Variants in SRGAP1 observed in about 807,000 individuals in gnomAD.
SRGAP1 encodes the protein SLIT-ROBO Rho GTPase activating protein 1, also known as SLIT-ROBO Rho GTPase-activating protein 1.
SRGAP1 carries 43 observed loss-of-function variants against 121.9 expected under a neutral mutation model. That is an observed-to-expected ratio of 0.35 (90% CI 0.28 to 0.46). SRGAP1 has a LOEUF of 0.46. SRGAP1 is among the 20% of genes least tolerant of loss of function. SRGAP1 has a pLI of 1.00. For synonymous variants in SRGAP1, 447 were observed against 485.4 expected (o/e 0.92, Z 1.04); for missense variants, 1,102 against 1,350.9 (o/e 0.82, Z 2.89).
At chr12:63,893,828 A>G (rs534215308) in intron 1 of SRGAP1, among the ~76,000 whole-genome samples, 3 of 152,256 alleles carry the variant, frequency 2.0e-5, no homozygotes, top group South Asian at 2.1e-4. Context: ...TTAAGAAACA[A>G]AAGTCTTCAT....
chr12:64,101,292 ATTGT>A (rs1285049670), intron 15 of SRGAP1, among the ~76,000 whole-genome samples: 1 of 134,766 alleles, frequency 7.4e-6, no homozygotes, highest in Non-Finnish European at 1.6e-5. Context: ...GTATTTTTGG[ATTGT>A]TTGGGGAAAG....
At chr12:63,935,844 GA>G in intron 1 of SRGAP1, among the ~76,000 whole-genome samples, 1 of 152,240 alleles carries the variant, frequency 6.6e-6, no homozygotes, top group African/African-American at 2.4e-5. Context: ...TAACTGTTAT[GA>G]AAAATTGGAA....
At chr12:63,901,681 A>G (rs1041899888) in intron 1 of SRGAP1, among the ~76,000 whole-genome samples, 1 of 152,222 alleles carries the variant, frequency 6.6e-6, no homozygotes, top group Non-Finnish European at 1.5e-5. Context: ...TTAATGGGAC[A>G]AACTGCTACT....
At chr12:63,916,032 CT>C (rs140042368) in intron 1 of SRGAP1, among the ~76,000 whole-genome samples, 12,685 of 124,968 alleles carry the variant, frequency 0.1, 412 homozygotes, top group Middle Eastern at 0.22. Flanking sequence ...CTTTTCTTTT[CT>C]TTTTTTTTTT....
intron 2 of SRGAP1, among the ~76,000 whole-genome samples, chr12:63,986,336 C>A (rs993310937): frequency 3.3e-5 from 5 of 152,144 alleles, no homozygotes; most frequent in African/African-American, 1.2e-4. Context: ...GAAGCAGAGG[C>A]TGGAGCCAGT....
intron 1 of SRGAP1, among the ~76,000 whole-genome samples, chr12:63,893,786 C>T (rs1186276333): frequency 2.6e-5 from 4 of 152,144 alleles, no homozygotes; most frequent in Admixed American, 2.0e-4. Flanking sequence ...ACTCTAATTA[C>T]ATCTGACATT....
Position 64,062,968 on chromosome 12 carries a change from C to G in SRGAP1, c.853C>G (p.Leu285Val), listed in dbSNP as rs1345079612. ...ASLNRALRTY[L>V]SAEYNLETSR... ...TCTGAACAGAGCCCTAAGAACATAT[C>G]TGTCTGCGGAGTACAACCTTGAAAC... Residue 285 changes from leucine (L) to valine (V), a missense_variant, in exon 7 of 22, where the codon CTG (leucine) becomes GTG (valine). Transcript: ENST00000355086. 2.5e-6 allele frequency: 4 copies of G among 1,614,050 alleles called. No individual in the cohort carries two copies. The highest frequency in any genetic ancestry group is 3.4e-6 in the Non-Finnish European group (4 of 1,179,974).
At chr12:63,969,167 C>T (rs2032866275) in intron 1 of SRGAP1, among the ~76,000 whole-genome samples, 2 of 152,132 alleles carry the variant, frequency 1.3e-5, no homozygotes, top group African/African-American at 4.8e-5. Flanking sequence ...GCATTTAAAA[C>T]CTAACCATGA....
At chr12:63,918,663 T>C (rs2030899814) in intron 1 of SRGAP1, among the ~76,000 whole-genome samples, 1 of 152,228 alleles carries the variant, frequency 6.6e-6, no homozygotes, top group South Asian at 2.1e-4. Context: ...GCAATCTGCC[T>C]ACCTCGGTCT....
chr12:64,084,997 T>A (rs2035912445), intron 10 of SRGAP1, among the ~76,000 whole-genome samples: 3 of 152,174 alleles, frequency 2.0e-5, no homozygotes, highest in Non-Finnish European at 4.4e-5. Context: ...TACCTACCTT[T>A]CTTCTAGGAT....
In SRGAP1 at chr12:64,157,909, T is replaced by C. The variant is rs1488334592; in HGVS notation, c.*15237T>C. Reference sequence around the variant, plus strand: ...TTCTGGGCTCCTTCCATTTTTTTTGTTGCTGCCACCTTAGTACGTGGCCAC... The same window carrying C: ...TTCTGGGCTCCTTCCATTTTTTTTGCTGCTGCCACCTTAGTACGTGGCCAC... On this transcript the variant is annotated 3_prime_UTR_variant, in exon 22 of 22. Transcript: ENST00000355086. 1.3e-5 allele frequency: 2 copies of C among 152,244 alleles called. No individual in the cohort carries two copies. Among genetic ancestry groups the C allele is most frequent in the African/African-American group, 4.8e-5 (2 of 41,450 alleles). 9.4% of individuals were successfully genotyped at this position (152,244 alleles called of 1,614,324 possible).
At chr12:63,933,554 C>A (rs2031556055) in intron 1 of SRGAP1, among the ~76,000 whole-genome samples, 1 of 152,098 alleles carries the variant, frequency 6.6e-6, no homozygotes, top group Admixed American at 6.5e-5. Context: ...AGCAGGTTAA[C>A]CAGCACTGAA....
At chr12:63,978,905 GA>G (rs913490016) in intron 1 of SRGAP1, among the ~76,000 whole-genome samples, 2 of 152,130 alleles carry the variant, frequency 1.3e-5, no homozygotes, top group African/African-American at 4.8e-5. Context: ...TAGTGAGTGT[GA>G]AGTGGCACCC....
In SRGAP1 at chr12:63,960,997, A is replaced by G. The variant is rs543933963; in HGVS notation, c.68-22950A>G. Among the ~76,000 whole-genome samples the G allele has an allele frequency of 1.5e-4, 23 of 152,352 alleles. No individual in the cohort carries two copies. In the South Asian group the frequency reaches 4.6e-3, roughly 30 times the overall value. On this transcript the variant is annotated intron_variant, in intron 1 of 21. Transcript: ENST00000355086. Reference sequence around the variant, plus strand: ...GAATAAATCTGTGTTGTTTCAAGCCACTACGTTTGTGGTCATTTGTAAGAG... The same window carrying G: ...GAATAAATCTGTGTTGTTTCAAGCCGCTACGTTTGTGGTCATTTGTAAGAG...
chr12:64,089,967 C>T (rs2036017963), intron 11 of SRGAP1, among the ~76,000 whole-genome samples: 1 of 152,146 alleles, frequency 6.6e-6, no homozygotes, highest in Admixed American at 6.5e-5. Flanking sequence ...GCTAAATGAA[C>T]TAAAAAAGAT....
intron 4 of SRGAP1, among the ~76,000 whole-genome samples, chr12:64,025,794 T>C (rs1257971041): frequency 1.3e-5 from 2 of 152,192 alleles, no homozygotes; most frequent in Non-Finnish European, 2.9e-5. Context: ...GTGAGCAACT[T>C]CTGAATTCTA....
rs1273579087 is a variant in SRGAP1, at chr12:64,056,549, C to CAAA, written c.802-6352_802-6350dup. Among the ~76,000 whole-genome samples, 165 of 59,888 alleles carry CAAA rather than the reference C, an allele frequency of 2.8e-3. 1 individual carries two copies. Among genetic ancestry groups the CAAA allele is most frequent in the African/African-American group, 4.9e-3 (91 of 18,434 alleles). The allele number at this position is 59,888 out of a possible 152,430, so 39.3% of individuals were successfully genotyped here. A position where few individuals can be genotyped will look rare whatever the true frequency, so the allele number is the denominator to read the frequency against. On this transcript the variant is annotated intron_variant, in intron 6 of 21. Coordinates refer to ENST00000355086, the MANE Select transcript of SRGAP1 (RefSeq NM_020762.4). Reference sequence around the variant, plus strand: ...GCCTGGACAACAGAATGAGACTCCACAAAAAAAAAAAAAAAAAAGAGAGAA... The same window carrying CAAA: ...GCCTGGACAACAGAATGAGACTCCACAAAAAAAAAAAAAAAAAAAAAGAGAGAA...
chr12:64,049,566 G>C lies in SRGAP1; in HGVS notation c.801+5991G>C, dbSNP rs193265538. 1.1e-4 allele frequency among the ~76,000 whole-genome samples: 17 copies of C among 152,242 alleles called. No individual in the cohort carries two copies. In the East Asian group the frequency reaches 3.1e-3, roughly 28 times the overall value. On this transcript the variant is annotated intron_variant, in intron 6 of 21. Transcript: ENST00000355086. ...CCATGATTCAATTACCTCCCACCTG[G>C]TCCTTCACATGACATGTGGGGATTA...
intron 1 of SRGAP1, among the ~76,000 whole-genome samples, chr12:63,848,999 AAGTGGTTAAAC>A (rs1458592350): frequency 6.6e-6 from 1 of 152,220 alleles, no homozygotes; most frequent in Non-Finnish European, 1.5e-5. Context: ...GGAATGATAC[AAGTGGTTAAAC>A]AGTGGATAGG....
Sources: allele counts gnomAD v4.1 joint callset (sites outside exome capture counted in the v4.1 genomes callset), GRCh38; gene constraint gnomAD v4.1.1; transcripts MANE v1.5; gene names NCBI Gene and HGNC (gene_info 2026-07-23, HGNC 2026-07-21).